FZD3: variants seen among roughly 807,000 people sequenced by gnomAD.
The protein encoded by FZD3 is frizzled-3.
Under a neutral mutation model 60.7 loss-of-function variants are expected in FZD3, and 30 were observed. The observed-to-expected ratio is 0.49, with a 90% CI of 0.37 to 0.67. FZD3 has a LOEUF of 0.67. Ranked by LOEUF, FZD3 falls within the 30% of genes least tolerant of loss-of-function variation. The probability of loss-of-function intolerance (pLI) is 0.00; values close to 1 mark genes in which losing one functional copy is unlikely to be tolerated. For synonymous variants in FZD3, 246 were observed against 275.2 expected (o/e 0.89, Z 1.05); for missense variants, 605 against 838.7 (o/e 0.72, Z 3.44).
intron 5 of FZD3, among the ~76,000 whole-genome samples, chr8:28,539,121 A>C (rs1805095862): frequency 6.6e-6 from 1 of 152,164 alleles, no homozygotes; most frequent in African/African-American, 2.4e-5. Context: ...CGAGCGATGG[A>C]CCAGTATAGG....
intron 7 of FZD3, 89 bp from the exon 8 acceptor site, chr8:28,562,709 C>G: frequency 1.2e-6 from 1 of 809,052 alleles, no homozygotes; most frequent in Non-Finnish European, 2.1e-6. Flanking sequence ...AATAATTTCC[C>G]TTACTGAGGC....
At chr8:28,546,953 G>A (rs529338333) in intron 5 of FZD3, among the ~76,000 whole-genome samples, 5 of 150,766 alleles carry the variant, frequency 3.3e-5, no homozygotes, top group Non-Finnish European at 5.9e-5. Context: ...CTGGGCGACA[G>A]AGCGAGACTC....
intron 1 of FZD3, among the ~76,000 whole-genome samples, chr8:28,497,328 T>C (rs1420966663): frequency 6.6e-6 from 1 of 152,218 alleles, no homozygotes; most frequent in Non-Finnish European, 1.5e-5. Context: ...TATGAAGCTA[T>C]ATAAACTTTC....
rs912786017 is a variant in FZD3 at position 28,564,405 on chromosome 8, A to G, written c.*1394A>G. ...ACTTGGGTTACTTCAGATGCCTAAC[A>G]CCTTCCTCTCATACAAATAAGAATT... On this transcript the variant is annotated 3_prime_UTR_variant, in exon 8 of 8. Coordinates refer to ENST00000240093, the MANE Select transcript of FZD3 (RefSeq NM_017412.4). 1 of 146,326 alleles carries G rather than the reference A, an allele frequency of 6.8e-6. No homozygotes were observed. The highest frequency in any genetic ancestry group is 2.5e-5 in the African/African-American group (1 of 39,562). 9.1% of individuals were successfully genotyped at this position (146,326 alleles called of 1,614,324 possible). A position where few individuals can be genotyped will look rare whatever the true frequency, so the allele number is the denominator to read the frequency against.
chr8:28,540,468 C>T (rs1157475842), intron 5 of FZD3, among the ~76,000 whole-genome samples: 1 of 152,132 alleles, frequency 6.6e-6, no homozygotes, highest in African/African-American at 2.4e-5. Context: ...CTCAGGTGAT[C>T]CACTGGCCTC....
rs765018976 is a variant in FZD3 at position 28,516,676 on chromosome 8, TTGG to T, written c.190-3957_190-3955del. Among the ~76,000 whole-genome samples, 418 of 152,274 alleles carry T rather than the reference TTGG, an allele frequency of 2.7e-3. 3 individuals carry two copies. Among genetic ancestry groups the T allele is most frequent in the African/African-American group, 7.7e-3 (319 of 41,582 alleles). On this transcript the variant is annotated intron_variant, in intron 3 of 7. Transcript: ENST00000240093. ...TGGAATAATTTTTTATAATTTTCTG[TTGG>T]TGGTTTTTAAAATTTTCATTGATCT...
At chr8:28,556,058 G>C in intron 7 of FZD3, 87 bp downstream of exon 7, 1 of 856,106 alleles carries the variant, frequency 1.2e-6, no homozygotes, top group Non-Finnish European at 1.9e-6. Context: ...TTCTGAAATA[G>C]AAGTCGAACA....
intron 3 of FZD3, among the ~76,000 whole-genome samples, chr8:28,512,649 A>G (rs1334467570): frequency 6.6e-6 from 1 of 152,130 alleles, no homozygotes; most frequent in African/African-American, 2.4e-5. Flanking sequence ...TGCAGGGTCT[A>G]AGATTTAGTA....
chr8:28,560,790 T>G (rs1411580370), intron 7 of FZD3, among the ~76,000 whole-genome samples: 2 of 152,282 alleles, frequency 1.3e-5, no homozygotes, highest in East Asian at 3.9e-4. Flanking sequence ...TTCTACTCAG[T>G]TTTAAGGCAA....
rs1804730778 is a variant in FZD3 at position 28,527,020 on chromosome 8, C to G, written c.387-127C>G. 3.7e-6 allele frequency: 3 copies of G among 816,972 alleles called. No individual in the cohort carries two copies. Among genetic ancestry groups the G allele is most frequent in the South Asian group, 1.7e-5 (1 of 57,198 alleles). The allele number at this position is 816,972 out of a possible 1,614,324, so 50.6% of individuals were successfully genotyped here. ...CAAGATATCACCATTTACTTTATTT[C>G]TACATATTACATTTGCTCTCCAGGA... On this transcript the variant is annotated intron_variant, in intron 4 of 7. Transcript: ENST00000240093. This position sits in a 1 kb window ranked among gnomAD's most constrained non-coding sequence, Gnocchi z 5.0.
At position 28,573,670 on chromosome 8, in the gene FZD3, C is replaced by A. The variant is rs1805845084; in HGVS notation, c.*10659C>A. On this transcript the variant is annotated 3_prime_UTR_variant, in exon 8 of 8. Coordinates refer to ENST00000240093, the MANE Select transcript of FZD3 (RefSeq NM_017412.4). ...GTCTTCCAGCTCTTTCTCATTGATACTACCTTTACATATGAATACTATCCA... is the reference window on the plus strand; with the variant it reads ...GTCTTCCAGCTCTTTCTCATTGATAATACCTTTACATATGAATACTATCCA... The A allele has an allele frequency of 6.7e-6, 1 of 149,718 alleles. No individual in the cohort carries two copies. The highest frequency in any genetic ancestry group is 2.1e-4 in the South Asian group (1 of 4,722). 9.3% of individuals were successfully genotyped at this position (149,718 alleles called of 1,614,324 possible). A position where few individuals can be genotyped will look rare whatever the true frequency, so the allele number is the denominator to read the frequency against.
chr8:28,557,577 G>A (rs942841967), intron 7 of FZD3, among the ~76,000 whole-genome samples: 2 of 152,134 alleles, frequency 1.3e-5, no homozygotes, highest in Non-Finnish European at 2.9e-5. Flanking sequence ...TCTTTGTGCT[G>A]ATTTATCCTT....
At chr8:28,495,973 C>T (rs1290870710) in intron 1 of FZD3, among the ~76,000 whole-genome samples, 1 of 152,184 alleles carries the variant, frequency 6.6e-6, no homozygotes, top group Non-Finnish European at 1.5e-5. Context: ...CTATCTCCAT[C>T]TCTCCTAAAT....
chr8:28,503,246 T>C (rs757302555), intron 3 of FZD3, 44 bp downstream of exon 3: 1 of 1,251,890 alleles, frequency 8.0e-7, no homozygotes, highest in East Asian at 2.4e-5. Flanking sequence ...TAAATGACTC[T>C]TGTGTTGTCC....
intron 4 of FZD3, among the ~76,000 whole-genome samples, chr8:28,525,767 A>G (rs1033637302): frequency 2.6e-5 from 4 of 152,192 alleles, no homozygotes; most frequent in African/African-American, 9.6e-5. Flanking sequence ...CTGTGTGGAA[A>G]TGGAGATCAA....
chr8:28,509,223 T>TGTA (rs1291534935), intron 3 of FZD3, among the ~76,000 whole-genome samples: 3 of 151,828 alleles, frequency 2.0e-5, no homozygotes, highest in Non-Finnish European at 4.4e-5. Flanking sequence ...AGAACTCTAG[T>TGTA]TTCTATCCCT....
rs527601895 is a variant in FZD3 at position 28,537,987 on chromosome 8, G to A, written c.1404+9823G>A. On this transcript the variant is annotated intron_variant, in intron 5 of 7. Coordinates refer to ENST00000240093, the MANE Select transcript of FZD3 (RefSeq NM_017412.4). ...CAAAAATTAGCTGGGCGTGGTGGCG[G>A]GCGCCTGTAATCCCAGCTACCTAGG... is the stretch of plus-strand genomic sequence containing the variant. 1.3e-4 allele frequency among the ~76,000 whole-genome samples: 20 copies of A among 151,902 alleles called. 1 individual carries two copies. Among genetic ancestry groups the A allele is most frequent in the African/African-American group, 4.3e-4 (18 of 41,466 alleles).
chr8:28,520,886 A>C, intron 4 of FZD3, 52 bp downstream of exon 4: 1 of 1,217,658 alleles, frequency 8.2e-7, no homozygotes, highest in African/African-American at 1.5e-5. Flanking sequence ...CAATATGTTT[A>C]AAAGTACTTG....
chr8:28,502,990 G>A lies in FZD3; in HGVS notation c.-24G>A. 6.4e-7 allele frequency: 1 copy of A among 1,571,678 alleles called. No homozygotes were observed. The highest frequency in any genetic ancestry group is 1.1e-5 in the South Asian group (1 of 88,972). On this transcript the variant is annotated 5_prime_UTR_variant, in exon 3 of 8. Coordinates refer to ENST00000240093, the MANE Select transcript of FZD3 (RefSeq NM_017412.4). ...ACATATTGAATAGGCCTGATCATCT[G>A]AATCTCCTTCAGACCCAGGAAGGAT...
Sources: gnomAD v4.1 joint callset for allele counts (sites outside exome capture counted in the v4.1 genomes callset) on GRCh38, gnomAD v4.1.1 for gene constraint, Gnocchi (gnomAD v3.1) non-coding constraint, MANE v1.5 for transcripts, NCBI Gene and HGNC (gene_info 2026-07-23, HGNC 2026-07-21) for gene names.